ARSF: variants seen among roughly 807,000 people sequenced by gnomAD.
ARSF encodes the protein arylsulfatase F.
A neutral mutation model predicts 35.4 loss-of-function variants in ARSF; 33 were observed. That is an observed-to-expected ratio of 0.93 (90% CI 0.71 to 1.25). The LOEUF (loss-of-function observed/expected upper bound fraction) is 1.25, where lower values mean the gene tolerates loss of function less well. Ranked by LOEUF, ARSF falls within the 50% of genes most tolerant of loss-of-function variation. The probability of loss-of-function intolerance (pLI) is 0.00; values close to 1 mark genes in which losing one functional copy is unlikely to be tolerated. For synonymous variants in ARSF, 222 were observed against 193.1 expected (o/e 1.15, Z -1.24); for missense variants, 501 against 480.2 (o/e 1.04, Z -0.40).
intron 1 of ARSF, among the ~76,000 whole-genome samples, chrX:3,054,582 G>GT (rs1189861195): frequency 9.0e-6 from 1 of 110,716 alleles, no homozygotes; most frequent in African/African-American, 3.3e-5. Flanking sequence ...GGGATGACAG[G>GT]TGTGAGCCCC....
chrX:3,110,838 C>T (rs2090440265), intron 10 of ARSF, among the ~76,000 whole-genome samples: 1 of 111,811 alleles, frequency 8.9e-6, no homozygotes, highest in African/African-American at 3.2e-5. Context: ...GCAGAGGTTG[C>T]AGTGAGCTGA....
chrX:3,071,580 A>C (rs1246028292), intron 2 of ARSF, among the ~76,000 whole-genome samples: 1 of 110,795 alleles, frequency 9.0e-6, no homozygotes. Context: ...CTGAGATTAC[A>C]GGTGTGAGCC....
At chrX:3,072,906 G>T (rs1276658998) in intron 3 of ARSF, among the ~76,000 whole-genome samples, 1 of 100,979 alleles carries the variant, frequency 9.9e-6, no homozygotes, top group Non-Finnish European at 2.0e-5. Flanking sequence ...AAACATATAT[G>T]AATATATTTA....
chrX:3,073,545 T>TATAATATATTAATAAATAC (rs2090122561), intron 3 of ARSF, among the ~76,000 whole-genome samples: 6 of 89,034 alleles, frequency 6.7e-5, no homozygotes, highest in African/African-American at 2.5e-4. Context: ...TAAATAAATA[T>TATAATATATTAATAAATAC]ATATTATTTA....
Position 3,110,131 on chromosome X carries a change from C to G in ARSF, c.1269C>G (p.Val423=). 1 of 1,183,583 alleles carries G rather than the reference C, an allele frequency of 8.4e-7. No homozygotes were observed. The highest frequency in any genetic ancestry group is 1.1e-6 in the Non-Finnish European group (1 of 880,903). Residue 423 remains valine (V), a synonymous_variant, in exon 10 of 11, where the codon GTC becomes GTG. Transcript: ENST00000381127. ...TGCACTGTCTGTGTCTCTGCAGGGT[C>G]ATTGACGGCCGAGACCTCATGCCCT... The part of the protein sequence containing the change: ...VSGGSLPQDR[V]IDGRDLMPLL...
intron 7 of ARSF, among the ~76,000 whole-genome samples, chrX:3,100,413 A>G (rs961997844): frequency 8.9e-6 from 1 of 112,099 alleles, no homozygotes; most frequent in Non-Finnish European, 1.9e-5. Context: ...TTTCATATCC[A>G]GTGGGAAAAA....
intron 2 of ARSF, among the ~76,000 whole-genome samples, chrX:3,069,354 C>T (rs1456064821): frequency 9.0e-5 from 10 of 111,203 alleles, no homozygotes; most frequent in African/African-American, 1.3e-4. Flanking sequence ...TTGAGGGTCT[C>T]GTCCTGTAGC....
intron 7 of ARSF, among the ~76,000 whole-genome samples, chrX:3,093,035 G>A (rs188574756): frequency 0.022 from 2,424 of 110,563 alleles, 33 homozygotes; most frequent in Middle Eastern, 0.06. Context: ...CCGTGGTGGC[G>A]GGCGTCTGTA....
At chrX:3,067,131 C>CGTGT (rs368895328) in intron 1 of ARSF, among the ~76,000 whole-genome samples, 10 of 98,003 alleles carry the variant, frequency 1.0e-4, no homozygotes, top group African/African-American at 3.3e-4. Context: ...TAACCAAGAA[C>CGTGT]GTGTGTGTGT....
intron 4 of ARSF, among the ~76,000 whole-genome samples, chrX:3,078,402 G>C (rs752538859): frequency 5.2e-4 from 57 of 110,672 alleles, no homozygotes; most frequent in African/African-American, 1.6e-3. Context: ...GGCTGGTCTC[G>C]AGCTCCTGAA....
chrX:3,098,047 AACACACAC>A (rs3032523), intron 7 of ARSF, among the ~76,000 whole-genome samples: 71 of 88,074 alleles, frequency 8.1e-4, no homozygotes, highest in African/African-American at 2.4e-3. Flanking sequence ...ATACACACAC[AACACACAC>A]ACACACACAC....
intron 8 of ARSF, among the ~76,000 whole-genome samples, chrX:3,102,662 C>T (rs2090385246): frequency 8.9e-6 from 1 of 112,266 alleles, no homozygotes; most frequent in African/African-American, 3.2e-5. Context: ...TGCCTGTAAT[C>T]CCAGCACTTT....
At chrX:3,068,407 T>C (rs952183998) in intron 2 of ARSF, among the ~76,000 whole-genome samples, 1 of 110,535 alleles carries the variant, frequency 9.0e-6, no homozygotes, top group Non-Finnish European at 1.9e-5. Context: ...TATGAGTTTA[T>C]GTTTATTTTT....
At chrX:3,084,769 G>A in intron 6 of ARSF, 103 bp downstream of exon 6, 3 of 812,417 alleles carry the variant, frequency 3.7e-6, no homozygotes, top group African/African-American at 2.1e-5. Context: ...ATAATCTATT[G>A]TACACTTCTA....
chrX:3,111,133 T>G (rs1167932484), intron 10 of ARSF, among the ~76,000 whole-genome samples: 3 of 109,421 alleles, frequency 2.7e-5, no homozygotes, highest in Non-Finnish European at 5.7e-5. Flanking sequence ...GTGCTTTCTT[T>G]CTTTCTTTTT....
rs183490150 is a variant in ARSF, at chrX:3,080,648, C to T, written c.284-243C>T. On this transcript the variant is annotated intron_variant, in intron 4 of 10. Coordinates refer to ENST00000381127, the MANE Select transcript of ARSF (RefSeq NM_001201539.2). ...GGGGACCTGCTTCCTGGTTCATACA[C>T]GGCGCCCTCTTGCTGTGTCCTCACA... Among the ~76,000 whole-genome samples, 65 of 110,434 alleles carry T rather than the reference C, an allele frequency of 5.9e-4. 1 individual carries two copies. Among genetic ancestry groups the T allele is most frequent in the African/African-American group, 2.0e-3 (61 of 30,403 alleles).
At chrX:3,058,799 T>C (rs1340855962) in intron 1 of ARSF, among the ~76,000 whole-genome samples, 1 of 111,641 alleles carries the variant, frequency 9.0e-6, no homozygotes, top group African/African-American at 3.3e-5. Flanking sequence ...AGGCTGAGGC[T>C]GCAGCGAGCT....
At chrX:3,071,952 T>G in intron 2 of ARSF, 74 bp from the exon 3 acceptor site, 2 of 1,052,808 alleles carry the variant, frequency 1.9e-6, no homozygotes, top group Non-Finnish European at 2.6e-6. Flanking sequence ...ACCCCTGTTG[T>G]GTTGTGTTGG....
At chrX:3,071,291 T>TTTG (rs561564476) in intron 2 of ARSF, among the ~76,000 whole-genome samples, 2,373 of 110,194 alleles carry the variant, frequency 0.022, 44 homozygotes, top group Middle Eastern at 0.042. Flanking sequence ...GCAAGTGTCT[T>TTTG]TTGTTGTTGT....
Sources: gnomAD v4.1 joint callset for allele counts (sites outside exome capture counted in the v4.1 genomes callset) on GRCh38, gnomAD v4.1.1 for gene constraint, MANE v1.5 for transcripts, NCBI Gene and HGNC (gene_info 2026-07-23, HGNC 2026-07-21) for gene names.